Variants in CDCA7L observed in about 807,000 individuals in gnomAD.
CDCA7L encodes the protein cell division cycle associated 7 like.
CDCA7L carries 44 observed loss-of-function variants against 57.4 expected under a neutral mutation model. That is an observed-to-expected ratio of 0.77 (90% CI 0.60 to 0.98). The LOEUF (loss-of-function observed/expected upper bound fraction) is 0.98, where lower values mean the gene tolerates loss of function less well. Among genes scored for constraint, CDCA7L ranks in the 50% least tolerant of loss-of-function variants. The probability of loss-of-function intolerance (pLI) is 0.00; values close to 1 mark genes in which losing one functional copy is unlikely to be tolerated. For missense variants in CDCA7L, 644 were observed against 580.6 expected, an observed-to-expected ratio of 1.11 and a Z score of -1.12; for synonymous variants, 236 against 202.8, an observed-to-expected ratio of 1.16 and a Z score of -1.39.
At position 21,902,908 on chromosome 7, in the gene CDCA7L, GC is replaced by G. The variant is rs1784979915; in HGVS notation, c.1334+69del. 21 of 1,480,044 alleles carry G rather than the reference GC, an allele frequency of 1.4e-5. No homozygotes were observed. The South Asian group carries it at 2.5e-4, about 17-fold the overall frequency. 91.7% of individuals were successfully genotyped at this position (1,480,044 alleles called of 1,614,324 possible). A position where few individuals can be genotyped will look rare whatever the true frequency, so the allele number is the denominator to read the frequency against. On this transcript the variant is annotated intron_variant, in intron 9 of 9. Transcript: ENST00000406877. ...TCACACGGGAAGGCAACAACTACTTGCCCAGAGGGTCTCCTGTGCTCAGCCT... is the reference window on the plus strand; with the variant it reads ...TCACACGGGAAGGCAACAACTACTTGCCAGAGGGTCTCCTGTGCTCAGCCT...
In CDCA7L at chr7:21,931,490, C is replaced by A. The variant is rs186909939; in HGVS notation, c.24+14291G>T. On this transcript the variant is annotated intron_variant, in intron 1 of 9. Coordinates refer to ENST00000406877, the MANE Select transcript of CDCA7L (RefSeq NM_018719.5). ...GGTTCAATATATGCAAATCAATAAACATAATCCATCACATAAACAGAACCA... is the reference window on the plus strand; with the variant it reads ...GGTTCAATATATGCAAATCAATAAAAATAATCCATCACATAAACAGAACCA... Among the ~76,000 whole-genome samples, 776 of 152,264 alleles carry A rather than the reference C, an allele frequency of 5.1e-3. 8 individuals are homozygous for A. Among genetic ancestry groups the A allele is most frequent in the African/African-American group, 0.017 (697 of 41,558 alleles).
intron 2 of CDCA7L, among the ~76,000 whole-genome samples, chr7:21,915,030 G>C (rs1785436886): frequency 6.6e-6 from 1 of 152,190 alleles, no homozygotes; most frequent in Non-Finnish European, 1.5e-5. Context: ...ACTGTGCTCA[G>C]ATGGAGGGCT....
chr7:21,906,548 T>A lies in CDCA7L; in HGVS notation c.753+20A>T, dbSNP rs763009889. 15 of 1,613,592 alleles carry A rather than the reference T, an allele frequency of 9.3e-6. No individual in the cohort carries two copies. The highest frequency in any genetic ancestry group is 1.1e-5 in the Non-Finnish European group (13 of 1,179,670). ...TCACCATATATCAGTATTGGTATAA[T>A]TATAAGGAGTTCTACTTACAGAAGC... On this transcript the variant is annotated intron_variant, in intron 5 of 9. Coordinates refer to ENST00000406877, the MANE Select transcript of CDCA7L (RefSeq NM_018719.5).
At chr7:21,904,055 A>T in intron 8 of CDCA7L, 55 bp downstream of exon 8, 1 of 1,490,072 alleles carries the variant, frequency 6.7e-7, no homozygotes, top group Non-Finnish European at 9.0e-7. Context: ...GCCCATCTTT[A>T]TAGCTTGCTT....
intron 1 of CDCA7L, among the ~76,000 whole-genome samples, chr7:21,945,506 G>C (rs1164369580): frequency 6.6e-6 from 1 of 151,600 alleles, no homozygotes; most frequent in African/African-American, 2.4e-5. Flanking sequence ...CTCCCCGCCT[G>C]CACCCCCGGC....
intron 2 of CDCA7L, among the ~76,000 whole-genome samples, chr7:21,915,244 A>G (rs761768046): frequency 7.9e-5 from 12 of 152,128 alleles, no homozygotes; most frequent in Non-Finnish European, 1.2e-4. Context: ...AAAGATGGAA[A>G]TCAAGATGGG....
intron 2 of CDCA7L, among the ~76,000 whole-genome samples, chr7:21,915,119 G>A (rs528158236): frequency 7.2e-4 from 110 of 152,172 alleles, no homozygotes; most frequent in Non-Finnish European, 1.5e-3. Context: ...GAGCTACGAG[G>A]GCTACGGCAG....
chr7:21,903,669 C>CT, intron 8 of CDCA7L: 4 of 164,588 alleles, frequency 2.4e-5, no homozygotes, highest in South Asian at 1.7e-4. Flanking sequence ...GGTTATACAC[C>CT]TATTTCATGG....
intron 1 of CDCA7L, among the ~76,000 whole-genome samples, chr7:21,931,513 C>A (rs562220857): frequency 6.6e-6 from 1 of 152,256 alleles, no homozygotes; most frequent in East Asian, 1.9e-4. Context: ...ATAAACAGAA[C>A]CAATGACAAA....
At chr7:21,917,012 A>G (rs1785504312) in intron 1 of CDCA7L, 118 bp from the exon 2 acceptor site, 1 of 1,144,694 alleles carries the variant, frequency 8.7e-7, no homozygotes, top group South Asian at 1.4e-5. Flanking sequence ...GGTTGCCCAG[A>G]AGTCCCCAGT....
intron 2 of CDCA7L, among the ~76,000 whole-genome samples, chr7:21,914,942 C>T (rs559078849): frequency 2.4e-4 from 37 of 152,290 alleles, no homozygotes; most frequent in African/African-American, 8.2e-4. Context: ...GCTCTGTGCT[C>T]GGCCCTTTAG....
Position 21,930,437 on chromosome 7 carries a change from C to G in CDCA7L, c.25-13543G>C, listed in dbSNP as rs181184297. ...AGTGGCCGGGTGCAGTGGCTCTCGC[C>G]TGTAATCCTAGCACTTTGGGAGGCC... On this transcript the variant is annotated intron_variant, in intron 1 of 9. Transcript: ENST00000406877. Among the ~76,000 whole-genome samples, 377 of 152,166 alleles carry G rather than the reference C, an allele frequency of 2.5e-3. 10 individuals are homozygous for G. The East Asian group carries it at 0.053, about 21-fold the overall frequency.
intron 8 of CDCA7L, 161 bp downstream of exon 8, chr7:21,903,949 A>T (rs1785040193): frequency 3.5e-6 from 2 of 576,774 alleles, no homozygotes; most frequent in African/African-American, 3.8e-5. Context: ...TCCAGAAGGA[A>T]TCCCTATTTT....
chr7:21,904,283 GGTGAA>G, intron 7 of CDCA7L, 24 bp from the exon 8 acceptor site: 1 of 1,573,376 alleles, frequency 6.4e-7, no homozygotes, highest in Non-Finnish European at 8.6e-7. Flanking sequence ...GCAGTGAGCA[GGTGAA>G]CACAGGGATA....
Position 21,901,166 on chromosome 7 carries a change from C to A in CDCA7L, c.*1156G>T. 1 of 1,611,754 alleles carries A rather than the reference C, an allele frequency of 6.2e-7. No individual in the cohort carries two copies. On this transcript the variant is annotated 3_prime_UTR_variant, in exon 10 of 10. Coordinates refer to ENST00000406877, the MANE Select transcript of CDCA7L (RefSeq NM_018719.5). Reference sequence around the variant, plus strand: ...GTGTATAGAACCAAACTGAGAGGCCCCAGCTACATCTGGACCTTCAGGCTG... The same window carrying A: ...GTGTATAGAACCAAACTGAGAGGCCACAGCTACATCTGGACCTTCAGGCTG...
chr7:21,928,031 C>T (rs1239751655), intron 1 of CDCA7L, among the ~76,000 whole-genome samples: 1 of 152,228 alleles, frequency 6.6e-6, no homozygotes, highest in East Asian at 1.9e-4. Context: ...AGACACTTCC[C>T]AGCAGGGGTC....
At chr7:21,912,500 A>G (rs1384742163) in intron 2 of CDCA7L, among the ~76,000 whole-genome samples, 1 of 152,180 alleles carries the variant, frequency 6.6e-6, no homozygotes, top group Non-Finnish European at 1.5e-5. Flanking sequence ...GAACCAAAAC[A>G]CATGGAAAGA....
intron 1 of CDCA7L, among the ~76,000 whole-genome samples, chr7:21,934,822 A>G (rs1459704879): frequency 6.6e-6 from 1 of 152,236 alleles, no homozygotes; most frequent in Non-Finnish European, 1.5e-5. Context: ...AAAGACAAAG[A>G]CATTACAGAT....
Position 21,901,023 on chromosome 7 carries a change from C to CCAAGCA in CDCA7L, c.*1293_*1298dup, listed in dbSNP as rs1562614184. On this transcript the variant is annotated 3_prime_UTR_variant, in exon 10 of 10. Transcript: ENST00000406877. The stretch of plus-strand genomic sequence containing the variant: ...TTGCCATAGGCGCCCGCTGGGACAC[C>CCAAGCA]CAAGCAGGAACCATTGTTGAAGCCC... 1 of 1,605,738 alleles carries CCAAGCA rather than the reference C, an allele frequency of 6.2e-7. No individual in the cohort carries two copies. Among genetic ancestry groups the CCAAGCA allele is most frequent in the African/African-American group, 1.3e-5 (1 of 74,764 alleles).
Sources: allele counts gnomAD v4.1 joint callset (sites outside exome capture counted in the v4.1 genomes callset), GRCh38; gene constraint gnomAD v4.1.1; transcripts MANE v1.5; gene names NCBI Gene and HGNC (gene_info 2026-07-23, HGNC 2026-07-21).